The following MNDA variants were observed in gnomAD, a reference collection of about 807,000 sequenced individuals.
MNDA encodes the protein myeloid cell nuclear differentiation antigen.
A neutral mutation model predicts 37.8 loss-of-function variants in MNDA; 43 were observed. The ratio of observed to expected loss-of-function variants is 1.14; its 90% confidence interval spans 0.89 to 1.47. The LOEUF (loss-of-function observed/expected upper bound fraction) is 1.47. Among genes scored for constraint, MNDA ranks in the 40% most tolerant of loss-of-function variants. The pLI, the probability that MNDA is intolerant of heterozygous loss-of-function variation, is 0.00. For missense variants in MNDA, 536 were observed against 476.0 expected (o/e 1.13, Z -1.17); for synonymous variants, 181 against 169.0 (o/e 1.07, Z -0.55).
chr1:158,843,928 T>C (rs1406325181), intron 3 of MNDA, 27 bp from the exon 4 acceptor site: 1 of 1,554,470 alleles, frequency 6.4e-7, no homozygotes, highest in Non-Finnish European at 8.7e-7. Context: ...CTAAACTCCA[T>C]TAACAGGAAA....
intron 1 of MNDA, among the ~76,000 whole-genome samples, chr1:158,835,461 A>G (rs1356014944): frequency 6.6e-6 from 1 of 152,036 alleles, no homozygotes; most frequent in Non-Finnish European, 1.5e-5. Context: ...TGATTCCTGT[A>G]ACTTTGCTGG....
At chr1:158,842,687 C>G (rs114625373) in intron 2 of MNDA, 380 of 257,356 alleles carry the variant, frequency 1.5e-3, no homozygotes, top group African/African-American at 7.5e-3. Context: ...TTCAGTAAAT[C>G]AAAAATGTCA....
chr1:158,844,150 T>A, intron 4 of MNDA, 28 bp downstream of exon 4: 1 of 1,302,744 alleles, frequency 7.7e-7, no homozygotes, highest in South Asian at 1.7e-5. Flanking sequence ...CTCTTCTCCA[T>A]TTTTTTTTAA....
At position 158,844,113 on chromosome 1, in the gene MNDA, G is replaced by C; in HGVS notation, c.561G>C (p.Ser187=). Residue 187 remains serine, a synonymous_variant, in exon 4 of 7, where the codon TCG becomes TCC. Transcript: ENST00000368141. ...QTSSSTPSNT[S]FTPNQETQAQ... is the part of the protein sequence containing the mutation. The stretch of plus-strand genomic sequence containing the variant: ...CATCATCAACTCCATCCAACACTTC[G>C]TTTACTCCGGTACACTCTTCCTGGT... 1 of 1,576,446 alleles carries C rather than the reference G, an allele frequency of 6.3e-7. No individual in the cohort carries two copies. Among genetic ancestry groups the C allele is most frequent in the Non-Finnish European group, 8.6e-7 (1 of 1,162,770 alleles).
chr1:158,840,488 T>TTTGGG (rs1360943140), intron 1 of MNDA, among the ~76,000 whole-genome samples: 1 of 152,114 alleles, frequency 6.6e-6, no homozygotes, highest in Non-Finnish European at 1.5e-5. Context: ...CAAGATGAGA[T>TTTGGG]TTGGGTTGGG....
chr1:158,835,204 G>C (rs1372258054), intron 1 of MNDA, among the ~76,000 whole-genome samples: 1 of 152,170 alleles, frequency 6.6e-6, no homozygotes, highest in African/African-American at 2.4e-5. Flanking sequence ...TGCATATGCA[G>C]TTCCTTGGGT....
rs1271492966 is a variant in MNDA, at chr1:158,847,315, A to T, written c.988-413A>T. The stretch of plus-strand genomic sequence containing the variant: ...TACCCCAAAAGCTATTGAAATTTTT[A>T]AAAATTAAAATAATAATAAAGTGAA... On this transcript the variant is annotated intron_variant, in intron 5 of 6. Transcript: ENST00000368141. 2.6e-5 allele frequency among the ~76,000 whole-genome samples: 4 copies of T among 152,332 alleles called. No homozygotes were observed. The East Asian group carries it at 7.7e-4, about 29-fold the overall frequency.
intron 6 of MNDA, among the ~76,000 whole-genome samples, chr1:158,848,357 A>T (rs1212371975): frequency 1.3e-5 from 2 of 151,984 alleles, no homozygotes; most frequent in Non-Finnish European, 2.9e-5. Flanking sequence ...CTGGCACATC[A>T]TAATAAACTG....
At chr1:158,841,154 A>G (rs1337715939) in intron 1 of MNDA, among the ~76,000 whole-genome samples, 1 of 152,202 alleles carries the variant, frequency 6.6e-6, no homozygotes, top group African/African-American at 2.4e-5. Context: ...ATGCTTTCCC[A>G]GATAGCAGGA....
chr1:158,837,748 C>G (rs189984391), intron 1 of MNDA, among the ~76,000 whole-genome samples: 1 of 151,874 alleles, frequency 6.6e-6, no homozygotes, highest in Admixed American at 6.6e-5. Context: ...GAACTTAGAA[C>G]TTATTGTTGC....
At chr1:158,846,054 T>C (rs940146780) in intron 5 of MNDA, 51 bp downstream of exon 5, 1 of 1,468,418 alleles carries the variant, frequency 6.8e-7, no homozygotes. Context: ...TGGAAATAAA[T>C]GTCTTAATTT....
intron 1 of MNDA, 73 bp downstream of exon 1, chr1:158,831,630 A>G (rs1323031948): frequency 6.6e-6 from 1 of 152,216 alleles, no homozygotes; most frequent in African/African-American, 2.4e-5. Context: ...TCAGTAGAGA[A>G]TAATTGCCTG....
intron 1 of MNDA, among the ~76,000 whole-genome samples, chr1:158,841,013 C>T (rs1216885911): frequency 1.3e-5 from 2 of 152,064 alleles, no homozygotes; most frequent in Admixed American, 1.3e-4. Context: ...GAACTGAATG[C>T]CCTTAGGTAG....
At chr1:158,843,224 T>C in intron 2 of MNDA, 55 bp from the exon 3 acceptor site, 1 of 1,541,626 alleles carries the variant, frequency 6.5e-7, no homozygotes, top group Non-Finnish European at 8.7e-7. Context: ...TCAGCTGTCT[T>C]AGATAAGCTA....
intron 1 of MNDA, among the ~76,000 whole-genome samples, chr1:158,836,703 T>C (rs1658923520): frequency 6.6e-6 from 1 of 151,748 alleles, no homozygotes; most frequent in Non-Finnish European, 1.5e-5. Flanking sequence ...CTTTATTATT[T>C]TTCTAATCTC....
At position 158,844,001 on chromosome 1, in the gene MNDA, AG is replaced by A; in HGVS notation, c.451del (p.Val151CysfsTer62). The A allele has an allele frequency of 6.2e-7, 1 of 1,611,818 alleles. No individual in the cohort carries two copies. On this transcript the variant is annotated frameshift_variant, in exon 4 of 7. Coordinates refer to ENST00000368141, the MANE Select transcript of MNDA (RefSeq NM_002432.3). LOFTEE classifies it high-confidence loss of function. Reference sequence around the variant, plus strand: ...GAAAAGACTGAAGCCAAAAGGAATAAGGTGTCCCAAGAGCAGAGTAAGCCCC... The same window carrying A: ...GAAAAGACTGAAGCCAAAAGGAATAAGTGTCCCAAGAGCAGAGTAAGCCCC... ...NKEKTEAKRN[K>X]VSQEQSKPPG...
In MNDA at chr1:158,836,795, G is replaced by A. The variant is rs533042989; in HGVS notation, c.-21+5238G>A. Among the ~76,000 whole-genome samples the A allele has an allele frequency of 2.0e-3, 304 of 151,236 alleles. 1 individual carries two copies. The highest frequency in any genetic ancestry group is 3.7e-3 in the Non-Finnish European group (247 of 67,614). ...GTTCTACTTTTTTAAGTTCCTTATG[G>A]TGTAAAGTCAGATTATTGATTTGAG... On this transcript the variant is annotated intron_variant, in intron 1 of 6. Coordinates refer to ENST00000368141, the MANE Select transcript of MNDA (RefSeq NM_002432.3).
Position 158,847,875 on chromosome 1 carries a change from C to A in MNDA, c.1135C>A (p.Arg379Ser), listed in dbSNP as rs139902913. 1 of 1,613,824 alleles carries A rather than the reference C, an allele frequency of 6.2e-7. No individual in the cohort carries two copies. Among genetic ancestry groups the A allele is most frequent in the Non-Finnish European group, 8.5e-7 (1 of 1,179,840 alleles). Residue 379 changes from arginine (R) to serine (S), a missense_variant, in exon 6 of 7, where the codon CGC becomes AGC. Coordinates refer to ENST00000368141, the MANE Select transcript of MNDA (RefSeq NM_002432.3). ...LFCLQLRTVD[R>S]KLKLVCGSHS... ...CTGCCTTCAACTGAGAACAGTTGACCGCAAGCTGAAACTGGTGTGTGGAAG... is the reference window on the plus strand; with the variant it reads ...CTGCCTTCAACTGAGAACAGTTGACAGCAAGCTGAAACTGGTGTGTGGAAG...
At position 158,849,225 on chromosome 1, in the gene MNDA, G is replaced by A; in HGVS notation, c.1212G>A (p.Met404Ile). Residue 404 changes from methionine to isoleucine, a missense_variant, in exon 7 of 7, where the codon ATG (methionine) becomes ATA (isoleucine). By Grantham distance (10) the Met-to-Ile change is conservative. Coordinates refer to ENST00000368141, the MANE Select transcript of MNDA (RefSeq NM_002432.3). The stretch of plus-strand genomic sequence containing the variant: ...CCAAGAAAAACAAGGAAGGACCAAT[G>A]AATGTTAATTGAAATATGAAAGCTG... ...IKAKKNKEGP[M>I]NVN The A allele has an allele frequency of 3.7e-6, 6 of 1,611,898 alleles. No individual in the cohort carries two copies. Among genetic ancestry groups the A allele is most frequent in the Non-Finnish European group, 5.1e-6 (6 of 1,178,702 alleles).
Sources: gnomAD v4.1 joint callset for allele counts (sites outside exome capture counted in the v4.1 genomes callset) on GRCh38, gnomAD v4.1.1 for gene constraint, MANE v1.5 for transcripts, NCBI Gene and HGNC (gene_info 2026-07-23, HGNC 2026-07-21) for gene names.